Variants in PCDH15 observed in about 807,000 individuals in gnomAD.
PCDH15 encodes protocadherin related 15.
Under a neutral mutation model 178.5 loss-of-function variants are expected in PCDH15, and 129 were observed. The ratio of observed to expected loss-of-function variants is 0.72; its 90% CI spans 0.63 to 0.84. The LOEUF (loss-of-function observed/expected upper bound fraction) is 0.84, where lower values mean the gene tolerates loss of function less well. PCDH15 is among the 40% of genes least tolerant of loss of function. The pLI is 0.00. For synonymous variants in PCDH15, 800 were observed against 732.0 expected (o/e 1.09, Z -1.50); for missense variants, 2,230 against 2,099.9 (o/e 1.06, Z -1.21).
chr10:54,003,286 G>A (rs1448358797), intron 20 of PCDH15, among the ~76,000 whole-genome samples: 1 of 151,842 alleles, frequency 6.6e-6, no homozygotes, highest in Middle Eastern at 3.2e-3. Context: ...GATTTGAAAT[G>A]AAGAAAACAA....
At chr10:55,477,273 G>A (rs957742365) in intron 2 of PCDH15, among the ~76,000 whole-genome samples, 2 of 151,840 alleles carry the variant, frequency 1.3e-5, no homozygotes, top group Non-Finnish European at 2.9e-5. Flanking sequence ...GTATGGTATG[G>A]CTTGAATGTA....
chr10:55,048,676 T>G (rs2131985250), intron 2 of PCDH15, among the ~76,000 whole-genome samples: 1 of 152,082 alleles, frequency 6.6e-6, no homozygotes, highest in South Asian at 2.1e-4. Context: ...CAAAGAGTTT[T>G]AATTTTAAAT....
chr10:55,005,212 A>ATAG, intron 2 of PCDH15, among the ~76,000 whole-genome samples: 1 of 134,168 alleles, frequency 7.5e-6, no homozygotes, highest in Non-Finnish European at 1.7e-5. Context: ...TCTCTAAATA[A>ATAG]TAATAATAAT....
chr10:55,582,132 C>T (rs1842627775), intron 2 of PCDH15, among the ~76,000 whole-genome samples: 2 of 152,160 alleles, frequency 1.3e-5, no homozygotes, highest in South Asian at 2.1e-4. Context: ...AGAAAGTGTC[C>T]GGGTTCCACC....
intron 2 of PCDH15, among the ~76,000 whole-genome samples, chr10:55,039,315 C>A (rs1163937965): frequency 6.6e-6 from 1 of 151,790 alleles, no homozygotes; most frequent in Non-Finnish European, 1.5e-5. Flanking sequence ...AAGACATGAG[C>A]AGATATCAGC....
chr10:54,757,809 C>A (rs777869457), intron 1 of PCDH15, among the ~76,000 whole-genome samples: 11 of 152,080 alleles, frequency 7.2e-5, no homozygotes, highest in Non-Finnish European at 1.6e-4. Flanking sequence ...TGTCAGCAGC[C>A]TTAATATATA....
At chr10:55,212,455 C>T (rs560216268) in intron 1 of PCDH15, among the ~76,000 whole-genome samples, 1 of 152,088 alleles carries the variant, frequency 6.6e-6, no homozygotes, top group Admixed American at 6.5e-5. Context: ...TGTCTGTGTC[C>T]TTGTTCTCCT....
intron 7 of PCDH15, 113 bp from the exon 8 acceptor site, chr10:54,317,554 C>G: frequency 1.7e-6 from 2 of 1,185,260 alleles, no homozygotes; most frequent in Non-Finnish European, 2.5e-6. Context: ...GTGGGTGGAT[C>G]ACTTGAGGTC....
chr10:54,753,206 G>A (rs1452241566), intron 1 of PCDH15, among the ~76,000 whole-genome samples: 2 of 150,850 alleles, frequency 1.3e-5, no homozygotes, highest in Admixed American at 1.3e-4. Flanking sequence ...TTTTATTTTC[G>A]AGACAGGGTC....
At chr10:55,622,052 TTG>T (rs1191472592) in intron 2 of PCDH15, among the ~76,000 whole-genome samples, 1 of 135,218 alleles carries the variant, frequency 7.4e-6, no homozygotes, top group Admixed American at 7.9e-5. Flanking sequence ...TATATATAAA[TTG>T]TATATATAAT....
intron 2 of PCDH15, among the ~76,000 whole-genome samples, chr10:55,383,294 G>A (rs1266979423): frequency 6.6e-6 from 1 of 152,012 alleles, no homozygotes; most frequent in Non-Finnish European, 1.5e-5. Context: ...TGGACGTTCA[G>A]CCACTTCTTC....
At chr10:55,545,855 C>T (rs974665114) in intron 2 of PCDH15, among the ~76,000 whole-genome samples, 1 of 152,060 alleles carries the variant, frequency 6.6e-6, no homozygotes, top group African/African-American at 2.4e-5. Flanking sequence ...GTCTCCCTCA[C>T]CTTCTTATTG....
chr10:55,526,176 T>A (rs778309411), intron 2 of PCDH15, among the ~76,000 whole-genome samples: 1 of 151,954 alleles, frequency 6.6e-6, no homozygotes, highest in Non-Finnish European at 1.5e-5. Context: ...GTGGTTGTAT[T>A]TGACTAATAA....
chr10:55,132,777 A>T (rs1056616718), intron 2 of PCDH15, among the ~76,000 whole-genome samples: 2 of 152,174 alleles, frequency 1.3e-5, no homozygotes, highest in African/African-American at 4.8e-5. Flanking sequence ...TTGTTCTGAA[A>T]CATTGTAGTT....
intron 2 of PCDH15, among the ~76,000 whole-genome samples, chr10:54,974,772 T>C (rs1445449777): frequency 2.0e-5 from 3 of 152,176 alleles, no homozygotes; most frequent in Non-Finnish European, 4.4e-5. Context: ...TACCATGTAA[T>C]GTGGTGTCCC....
At chr10:54,309,683 C>G (rs1213476465) in intron 8 of PCDH15, among the ~76,000 whole-genome samples, 1 of 151,826 alleles carries the variant, frequency 6.6e-6, no homozygotes, top group Non-Finnish European at 1.5e-5. Context: ...GTAGTCTCAG[C>G]TACTTGGGAG....
At chr10:54,334,466 G>A (rs574464769) in intron 6 of PCDH15, among the ~76,000 whole-genome samples, 1 of 152,170 alleles carries the variant, frequency 6.6e-6, no homozygotes, top group South Asian at 2.1e-4. Flanking sequence ...CTCTCTGAAA[G>A]GAGGTGTTGA....
intron 8 of PCDH15, among the ~76,000 whole-genome samples, chr10:54,304,204 G>A (rs1440430704): frequency 4.6e-5 from 7 of 152,098 alleles, no homozygotes; most frequent in South Asian, 2.1e-4. Flanking sequence ...ATTGTTTCCC[G>A]TTAAATTAAC....
At chr10:55,384,832 G>T (rs1184258278) in intron 2 of PCDH15, among the ~76,000 whole-genome samples, 2 of 152,010 alleles carry the variant, frequency 1.3e-5, no homozygotes, top group African/African-American at 2.4e-5. Context: ...GTGGATCAAA[G>T]ACTTTTTCTG....
Sources: allele counts gnomAD v4.1 joint callset (sites outside exome capture counted in the v4.1 genomes callset), GRCh38; gene constraint gnomAD v4.1.1; transcripts MANE v1.5; gene names NCBI Gene and HGNC (gene_info 2026-07-23, HGNC 2026-07-21).